The following GRIK1 variants were observed in gnomAD, a reference collection of about 807,000 sequenced individuals.
GRIK1 encodes the protein glutamate ionotropic receptor kainate type subunit 1, also known as glutamate receptor ionotropic, kainate 1.
GRIK1 carries 69 observed loss-of-function variants against 105.7 expected under a neutral mutation model. The ratio of observed to expected loss-of-function variants is 0.65; its 90% CI spans 0.54 to 0.80. GRIK1 has a LOEUF of 0.80. GRIK1 is among the 30% of genes least tolerant of loss of function. GRIK1 has a pLI of 0.00. For missense variants in GRIK1, 1,109 were observed against 1,167.3 expected, an observed-to-expected ratio of 0.95 and a Z score of 0.73; for synonymous variants, 438 against 431.3, an observed-to-expected ratio of 1.02 and a Z score of -0.19.
chr21:29,901,306 A>G (rs558870134), intron 1 of GRIK1, among the ~76,000 whole-genome samples: 3 of 152,320 alleles, frequency 2.0e-5, no homozygotes, highest in Non-Finnish European at 4.4e-5. Context: ...TCAGAGCAGA[A>G]CTGAAGGACA....
chr21:29,760,856 C>T (rs2832436), intron 1 of GRIK1, among the ~76,000 whole-genome samples: 10,414 of 152,164 alleles, frequency 0.068, 925 homozygotes, highest in African/African-American at 0.2. Context: ...GCTCATACAA[C>T]GCCAAGATTC....
Position 29,859,367 on chromosome 21 carries a change from A to AT in GRIK1, c.118+80015_118+80016insA, listed in dbSNP as rs1372394477. Among the ~76,000 whole-genome samples, 113 of 151,528 alleles carry AT rather than the reference A, an allele frequency of 7.5e-4. 1 individual carries two copies. In the Middle Eastern group the frequency reaches 0.034, roughly 46 times the overall value. ...CCTAGAACTTAAAGTATAATAAAAA[A>AT]GTATATATATATAAAATAAAATGAA... is the stretch of plus-strand genomic sequence containing the variant. On this transcript the variant is annotated intron_variant, in intron 1 of 17. Coordinates refer to ENST00000327783, the MANE Select transcript of GRIK1 (RefSeq NM_001330994.2).
intron 7 of GRIK1, among the ~76,000 whole-genome samples, chr21:29,612,497 C>T (rs757862681): frequency 6.6e-6 from 1 of 152,188 alleles, no homozygotes; most frequent in African/African-American, 2.4e-5. Context: ...ACTCTCCCCA[C>T]ATTGAAACTT....
At chr21:29,589,220 T>C (rs901667781) in intron 10 of GRIK1, among the ~76,000 whole-genome samples, 178 bp from the exon 11 acceptor site, 3 of 152,152 alleles carry the variant, frequency 2.0e-5, no homozygotes, top group Admixed American at 2.0e-4. Flanking sequence ...CCTATATTAT[T>C]GTTTCTTTCC....
At chr21:29,628,995 A>G (rs1033348499) in intron 7 of GRIK1, among the ~76,000 whole-genome samples, 5 of 152,146 alleles carry the variant, frequency 3.3e-5, no homozygotes, top group Admixed American at 3.3e-4. Context: ...TTTAGTCACC[A>G]AGATTTATTG....
chr21:29,899,191 A>G (rs961241551), intron 1 of GRIK1, among the ~76,000 whole-genome samples: 5 of 152,256 alleles, frequency 3.3e-5, no homozygotes, highest in African/African-American at 9.6e-5. Flanking sequence ...AAGGACTAGC[A>G]TTAACAACAC....
intron 1 of GRIK1, among the ~76,000 whole-genome samples, chr21:29,812,283 C>T (rs1454187286): frequency 6.6e-6 from 1 of 152,104 alleles, no homozygotes; most frequent in African/African-American, 2.4e-5. Flanking sequence ...ATAAGAAAGA[C>T]AGGCATGGTG....
At chr21:29,872,192 CTTTTTTT>C (rs35165931) in intron 1 of GRIK1, among the ~76,000 whole-genome samples, 7 of 107,684 alleles carry the variant, frequency 6.5e-5, no homozygotes, top group African/African-American at 1.9e-4. Flanking sequence ...GCTCTCACTT[CTTTTTTT>C]TTTTTTTTTT....
In GRIK1 at chr21:29,742,923, C is replaced by T. The variant is rs150435003; in HGVS notation, c.119-48860G>A. Among the ~76,000 whole-genome samples, 1,179 of 152,206 alleles carry T rather than the reference C, an allele frequency of 7.7e-3. 17 individuals are homozygous for T. Among genetic ancestry groups the T allele is most frequent in the African/African-American group, 0.026 (1,099 of 41,526 alleles). The stretch of plus-strand genomic sequence containing the variant: ...ACAAACAGGCTTGAGTCTGTTTCTG[C>T]GTATTCTATGCTGTTTCTCTGGTAT... On this transcript the variant is annotated intron_variant, in intron 1 of 17. Transcript: ENST00000327783.
chr21:29,574,748 C>T (rs1436746135), intron 14 of GRIK1, among the ~76,000 whole-genome samples: 2 of 137,410 alleles, frequency 1.5e-5, no homozygotes, highest in Admixed American at 8.2e-5. Flanking sequence ...AGTGCAGTGG[C>T]GCAATCTCGG....
intron 7 of GRIK1, among the ~76,000 whole-genome samples, chr21:29,630,156 C>A (rs780315566): frequency 3.1e-4 from 47 of 151,912 alleles, no homozygotes; most frequent in Non-Finnish European, 2.5e-4. Flanking sequence ...GAAAGAGAAG[C>A]CAATAGGAGG....
intron 1 of GRIK1, among the ~76,000 whole-genome samples, chr21:29,730,063 C>T (rs1038467633): frequency 7.2e-5 from 11 of 152,120 alleles, no homozygotes; most frequent in African/African-American, 2.7e-4. Flanking sequence ...AAATGTGGTC[C>T]CCTTTTCCAG....
chr21:29,882,616 A>T (rs182580279), intron 1 of GRIK1, among the ~76,000 whole-genome samples: 7 of 152,258 alleles, frequency 4.6e-5, no homozygotes. Context: ...TATCATGCGC[A>T]AAGAACTTAC....
intron 1 of GRIK1, among the ~76,000 whole-genome samples, chr21:29,709,198 G>A (rs1023667342): frequency 2.0e-5 from 3 of 151,468 alleles, no homozygotes; most frequent in Non-Finnish European, 2.9e-5. Context: ...CTGTATAGTA[G>A]CATCACATTG....
chr21:29,729,887 T>C (rs1485045671), intron 1 of GRIK1, among the ~76,000 whole-genome samples: 1 of 152,222 alleles, frequency 6.6e-6, no homozygotes, highest in East Asian at 1.9e-4. Context: ...TGTTTTTACA[T>C]GCTCTGGATG....
chr21:29,827,658 G>A (rs425507), intron 1 of GRIK1, among the ~76,000 whole-genome samples: 59,021 of 151,822 alleles, frequency 0.39, 12,560 homozygotes, highest in East Asian at 0.7. Context: ...ATTAGTGAAA[G>A]GAGGACATAT....
chr21:29,619,298 C>G (rs1443476810), intron 7 of GRIK1, among the ~76,000 whole-genome samples: 1 of 147,116 alleles, frequency 6.8e-6, no homozygotes, highest in African/African-American at 2.5e-5. Context: ...TTAGCCGGGT[C>G]TGGCAGCGTG....
chr21:29,616,069 C>G (rs1291477557), intron 7 of GRIK1, among the ~76,000 whole-genome samples: 1 of 152,218 alleles, frequency 6.6e-6, no homozygotes, highest in African/African-American at 2.4e-5. Context: ...GGAACCCATC[C>G]TGGACCTCTT....
At chr21:29,750,793 G>A (rs1352368350) in intron 1 of GRIK1, among the ~76,000 whole-genome samples, 1 of 152,180 alleles carries the variant, frequency 6.6e-6, no homozygotes, top group Non-Finnish European at 1.5e-5. Context: ...TATATTATTA[G>A]ATATCAAATT....
Sources: gnomAD v4.1 joint callset for allele counts (sites outside exome capture counted in the v4.1 genomes callset) on GRCh38, gnomAD v4.1.1 for gene constraint, MANE v1.5 for transcripts, NCBI Gene and HGNC (gene_info 2026-07-23, HGNC 2026-07-21) for gene names.